Variants in SCN8A observed in about 807,000 individuals in gnomAD.
SCN8A encodes sodium voltage-gated channel alpha subunit 8, also known as sodium channel protein type 8 subunit alpha.
A neutral mutation model predicts 184.1 loss-of-function variants in SCN8A; 30 were observed. That is an observed-to-expected ratio of 0.16 (90% CI 0.12 to 0.22). The LOEUF (loss-of-function observed/expected upper bound fraction) is 0.22. SCN8A is among the 10% of genes least tolerant of loss of function. The pLI is 1.00. For synonymous variants in SCN8A, 852 were observed against 907.0 expected, an observed-to-expected ratio of 0.94 and a Z score of 1.09; for missense variants, 1,057 against 2,498.9, an observed-to-expected ratio of 0.42 and a Z score of 12.30.
intron 9 of SCN8A, among the ~76,000 whole-genome samples, chr12:51,703,411 T>C (rs1487413620): frequency 6.6e-6 from 1 of 152,192 alleles, no homozygotes; most frequent in East Asian, 1.9e-4. Flanking sequence ...CCCAAAGTGC[T>C]GGAATTACAG....
chr12:51,694,078 A>G (rs1183483740), intron 6 of SCN8A, among the ~76,000 whole-genome samples: 1 of 152,152 alleles, frequency 6.6e-6, no homozygotes, highest in African/African-American at 2.4e-5. Flanking sequence ...GATTACAAGC[A>G]TGCGCCACAA....
At chr12:51,787,947 A>G (rs1938133415) in intron 22 of SCN8A, among the ~76,000 whole-genome samples, 1 of 152,220 alleles carries the variant, frequency 6.6e-6, no homozygotes, top group African/African-American at 2.4e-5. Flanking sequence ...CCAGTCAAAC[A>G]TGGTAGTCAC....
intron 1 of SCN8A, among the ~76,000 whole-genome samples, chr12:51,626,175 A>G (rs1940074037): frequency 6.6e-6 from 1 of 152,134 alleles, no homozygotes; most frequent in African/African-American, 2.4e-5. Flanking sequence ...GAATAATTCC[A>G]GTGGGCTTTA....
At chr12:51,662,657 T>G (rs1398091225) in intron 1 of SCN8A, 107 bp from the exon 2 acceptor site, 11 of 684,058 alleles carry the variant, frequency 1.6e-5, no homozygotes, top group Non-Finnish European at 2.4e-5. Flanking sequence ...AAACTATGTG[T>G]TTTTTTTGCA....
intron 21 of SCN8A, among the ~76,000 whole-genome samples, chr12:51,782,135 A>G (rs765227189): frequency 5.2e-4 from 79 of 152,150 alleles, no homozygotes; most frequent in Non-Finnish European, 9.6e-4. Context: ...GCTTTCTGCA[A>G]CTCTCCTGAA....
chr12:51,672,309 T>C (rs1352913322), intron 2 of SCN8A, among the ~76,000 whole-genome samples: 3 of 152,320 alleles, frequency 2.0e-5, no homozygotes, highest in South Asian at 2.1e-4. Context: ...TTATAAGATC[T>C]TCCCAATAAC....
Position 51,807,387 on chromosome 12 carries a change from A to G in SCN8A, c.5901A>G (p.Glu1967=). The G allele has an allele frequency of 1.9e-6, 3 of 1,612,918 alleles. No homozygotes were observed. Among genetic ancestry groups the G allele is most frequent in the Non-Finnish European group, 2.5e-6 (3 of 1,179,314 alleles). ...KQQRAEEGRR[E]RAKRQKEVRE... is the part of the protein sequence containing the mutation. ...AGCGGGCAGAGGAAGGAAGAAGGGA[A>G]AGAGCCAAAAGACAAAAAGAGGTCA... The change falls in exon 27 of 27, where the codon GAA becomes GAG. Residue 1967 remains glutamate (E), a synonymous_variant. Transcript: ENST00000627620. The surrounding 1 kb of genome is among the most constrained non-coding windows in gnomAD (Gnocchi z 4.5).
chr12:51,696,321 T>C (rs1941591983), intron 6 of SCN8A, among the ~76,000 whole-genome samples: 4 of 152,222 alleles, frequency 2.6e-5, no homozygotes, highest in Admixed American at 1.3e-4. Context: ...AACAGTAAAC[T>C]TGCGTAATTT....
chr12:51,657,252 C>G (rs144364763), intron 1 of SCN8A, among the ~76,000 whole-genome samples: 20 of 152,108 alleles, frequency 1.3e-4, no homozygotes, highest in South Asian at 4.2e-4. Context: ...GTGTAATGAT[C>G]AAATTAGGGT....
chr12:51,679,817 C>T (rs1941297584), intron 2 of SCN8A, among the ~76,000 whole-genome samples: 1 of 146,838 alleles, frequency 6.8e-6, no homozygotes, highest in Non-Finnish European at 1.5e-5. Flanking sequence ...GCTTTGCCTC[C>T]TGGGTTCAAG....
At chr12:51,661,705 C>T (rs1311967332) in intron 1 of SCN8A, among the ~76,000 whole-genome samples, 2 of 152,174 alleles carry the variant, frequency 1.3e-5, no homozygotes, top group Admixed American at 6.5e-5. Context: ...CAATGAACTG[C>T]CAGCAAAGCC....
intron 11 of SCN8A, among the ~76,000 whole-genome samples, chr12:51,718,790 A>T (rs964954184): frequency 2.6e-5 from 4 of 151,110 alleles, no homozygotes; most frequent in Non-Finnish European, 5.9e-5. Context: ...TCAACCATCT[A>T]TTGGGTTAAA....
At chr12:51,716,109 G>A (rs566344136) in intron 11 of SCN8A, among the ~76,000 whole-genome samples, 3 of 152,312 alleles carry the variant, frequency 2.0e-5, no homozygotes, top group East Asian at 3.9e-4. Flanking sequence ...CAAGGCGGGA[G>A]GATTGCTTTA....
intron 1 of SCN8A, among the ~76,000 whole-genome samples, chr12:51,618,954 G>A (rs1278938825): frequency 6.6e-6 from 1 of 152,108 alleles, no homozygotes; most frequent in Non-Finnish European, 1.5e-5. Context: ...AGATTGGAAA[G>A]CTGTAAAGGG....
At position 51,790,473 on chromosome 12, in the gene SCN8A, A is replaced by G; in HGVS notation, c.4495A>G (p.Lys1499Glu). 6.2e-7 allele frequency: 1 copy of G among 1,610,930 alleles called. No individual in the cohort carries two copies. The highest frequency in any genetic ancestry group is 8.5e-7 in the Non-Finnish European group (1 of 1,178,446). Residue 1499 changes from lysine to glutamate, a missense_variant, in exon 25 of 27, where the codon AAG (lysine) becomes GAG (glutamate). Coordinates refer to ENST00000627620, the MANE Select transcript of SCN8A (RefSeq NM_001330260.2). Reference sequence around the variant, plus strand: ...TGCCATGAAAAAGCTGGGCTCAAAGAAGCCACAGAAACCTATTCCCCGCCC... The same window carrying G: ...TGCCATGAAAAAGCTGGGCTCAAAGGAGCCACAGAAACCTATTCCCCGCCC... ...YNAMKKLGSK[K>E]PQKPIPRPLN...
intron 1 of SCN8A, among the ~76,000 whole-genome samples, chr12:51,618,496 CACACACACACACAG>C (rs770344109): frequency 8.6e-6 from 1 of 116,892 alleles, no homozygotes; most frequent in African/African-American, 3.0e-5. Context: ...CACACACACA[CACACACACACACAG>C]AAAGAAAAAA....
chr12:51,604,664 A>G (rs2138564567), intron 1 of SCN8A, among the ~76,000 whole-genome samples: 1 of 152,194 alleles, frequency 6.6e-6, no homozygotes, highest in South Asian at 2.1e-4. Context: ...AGTAGCTGGG[A>G]TTACAGGCAT....
chr12:51,605,641 C>G (rs920568121), intron 1 of SCN8A, among the ~76,000 whole-genome samples: 1 of 152,160 alleles, frequency 6.6e-6, no homozygotes, highest in African/African-American at 2.4e-5. Flanking sequence ...AATGGTAGTT[C>G]TACTTTTAGT....
rs1038476413 is a variant in SCN8A, at chr12:51,679,573, A to G, written c.277-4601A>G. On this transcript the variant is annotated intron_variant, in intron 2 of 26. Transcript: ENST00000627620. ...ACACTGTATGGCCTACAAAGCCTGC[A>G]GTATTGACTGCCTGCGCCCTTTCAG... is the stretch of plus-strand genomic sequence containing the variant. Among the ~76,000 whole-genome samples, 5 of 152,198 alleles carry G rather than the reference A, an allele frequency of 3.3e-5. No individual in the cohort carries two copies. In the East Asian group the frequency reaches 9.6e-4, roughly 29 times the overall value.
Sources: gnomAD v4.1 joint callset for allele counts (sites outside exome capture counted in the v4.1 genomes callset) on GRCh38, gnomAD v4.1.1 for gene constraint, Gnocchi (gnomAD v3.1) non-coding constraint, MANE v1.5 for transcripts, NCBI Gene and HGNC (gene_info 2026-07-23, HGNC 2026-07-21) for gene names.